The following CPA6 variants were observed in gnomAD, a reference collection of about 807,000 sequenced individuals.
CPA6 encodes carboxypeptidase B.
CPA6 carries 58 observed loss-of-function variants against 63.3 expected under a neutral mutation model. The ratio of observed to expected loss-of-function variants is 0.92; its 90% CI spans 0.74 to 1.14. CPA6 has a LOEUF of 1.14. Among genes scored for constraint, CPA6 ranks in the 50% most tolerant of loss-of-function variants. The pLI is 0.00. For synonymous variants in CPA6, 185 were observed against 179.0 expected, an observed-to-expected ratio of 1.03 and a Z score of -0.27; for missense variants, 565 against 526.6, an observed-to-expected ratio of 1.07 and a Z score of -0.71.
At chr8:67,677,375 A>T (rs1267175631) in intron 1 of CPA6, among the ~76,000 whole-genome samples, 1 of 142,324 alleles carries the variant, frequency 7.0e-6, no homozygotes, top group Non-Finnish European at 1.5e-5. Context: ...CTGCTGCTGG[A>T]AAAGGGGAAG....
At chr8:67,544,306 G>GTACTGTCAGAATCCCAGGTA (rs1202648472) in intron 2 of CPA6, among the ~76,000 whole-genome samples, 1 of 152,170 alleles carries the variant, frequency 6.6e-6, no homozygotes, top group Non-Finnish European at 1.5e-5. Context: ...AATCCCAGGT[G>GTACTGTCAGAATCCCAGGTA]TACCAATTCA....
chr8:67,434,426 C>G (rs898435961), intron 8 of CPA6, among the ~76,000 whole-genome samples, 186 bp from the exon 9 acceptor site: 8 of 152,202 alleles, frequency 5.3e-5, no homozygotes. Context: ...AGTTCCCATG[C>G]ACAACAGGAG....
At chr8:67,457,847 A>T (rs1322694629) in intron 8 of CPA6, among the ~76,000 whole-genome samples, 1 of 151,962 alleles carries the variant, frequency 6.6e-6, no homozygotes, top group East Asian at 1.9e-4. Context: ...CTCACTTGCC[A>T]ATTCCTGCTC....
chr8:67,495,488 A>AT (rs1307081417), intron 6 of CPA6, among the ~76,000 whole-genome samples: 1 of 151,984 alleles, frequency 6.6e-6, no homozygotes, highest in Non-Finnish European at 1.5e-5. Context: ...CTGCTTTGAA[A>AT]TTTTTTTATA....
rs182530959 is a variant in CPA6, at chr8:67,658,395, A to G, written c.117-34144T>C. 7.2e-5 allele frequency among the ~76,000 whole-genome samples: 11 copies of G among 152,318 alleles called. No homozygotes were observed. The East Asian group carries it at 2.1e-3, about 29-fold the overall frequency. ...GTACATAATAAGGTATGTCATATACATTTGTTAAACGAATAGCTGCACAGA... is the reference window on the plus strand; with the variant it reads ...GTACATAATAAGGTATGTCATATACGTTTGTTAAACGAATAGCTGCACAGA... On this transcript the variant is annotated intron_variant, in intron 1 of 10. Transcript: ENST00000297770.
intron 2 of CPA6, among the ~76,000 whole-genome samples, chr8:67,564,608 A>G (rs1301364285): frequency 6.6e-6 from 1 of 152,164 alleles, no homozygotes; most frequent in East Asian, 1.9e-4. Flanking sequence ...TGTAGCTGTC[A>G]TACCAGTAAA....
chr8:67,716,431 A>G (rs78837479), intron 1 of CPA6, among the ~76,000 whole-genome samples: 2 of 152,206 alleles, frequency 1.3e-5, no homozygotes, highest in Admixed American at 1.3e-4. Context: ...TCAAAGGTAG[A>G]TAAGAGACAA....
At chr8:67,665,784 A>G (rs141042781) in intron 1 of CPA6, among the ~76,000 whole-genome samples, 4 of 152,310 alleles carry the variant, frequency 2.6e-5, no homozygotes, top group African/African-American at 9.6e-5. Context: ...AGCTCGGGGT[A>G]TAATAAGTTC....
intron 1 of CPA6, among the ~76,000 whole-genome samples, chr8:67,730,595 G>A (rs1817687272): frequency 2.0e-5 from 3 of 152,156 alleles, no homozygotes; most frequent in Non-Finnish European, 4.4e-5. Context: ...TCACATGGTT[G>A]GTTTCCCTGG....
chr8:67,687,795 C>T (rs1211551285), intron 1 of CPA6, among the ~76,000 whole-genome samples: 1 of 151,974 alleles, frequency 6.6e-6, no homozygotes, highest in African/African-American at 2.4e-5. Context: ...GGATAGCAGC[C>T]GTCTCTATAG....
intron 1 of CPA6, among the ~76,000 whole-genome samples, chr8:67,733,710 A>G (rs1817758586): frequency 6.6e-6 from 1 of 151,656 alleles, no homozygotes; most frequent in Non-Finnish European, 1.5e-5. Flanking sequence ...TAGGCACTCA[A>G]TGAATAGTGC....
At chr8:67,631,240 A>G (rs1158547993) in intron 1 of CPA6, among the ~76,000 whole-genome samples, 1 of 152,234 alleles carries the variant, frequency 6.6e-6, no homozygotes, top group African/African-American at 2.4e-5. Context: ...ATATGCGCCA[A>G]TCAGCACTCT....
At chr8:67,620,240 A>G (rs1484574895) in intron 2 of CPA6, among the ~76,000 whole-genome samples, 2 of 152,208 alleles carry the variant, frequency 1.3e-5, no homozygotes, top group Non-Finnish European at 2.9e-5. Flanking sequence ...GTGAACAGCT[A>G]GAGGAAACTT....
chr8:67,630,798 T>C (rs572398341), intron 1 of CPA6, among the ~76,000 whole-genome samples: 2 of 152,332 alleles, frequency 1.3e-5, no homozygotes, highest in East Asian at 1.9e-4. Context: ...GGCCGCAGGC[T>C]CCGCGGCCCC....
chr8:67,493,955 T>C lies in CPA6; in HGVS notation c.637-9166A>G, dbSNP rs1171517672. ...ATCTTTGGTCTGCCACTGAATTAAA[T>C]AGAATTCAACTGCTGATTCTAAAAA... On this transcript the variant is annotated intron_variant, in intron 6 of 10. Transcript: ENST00000297770. 2.6e-5 allele frequency among the ~76,000 whole-genome samples: 4 copies of C among 152,178 alleles called. No homozygotes were observed. In the East Asian group the frequency reaches 7.7e-4, roughly 29 times the overall value.
At chr8:67,629,494 A>AAAAAT (rs1420631577) in intron 1 of CPA6, among the ~76,000 whole-genome samples, 3 of 151,572 alleles carry the variant, frequency 2.0e-5, no homozygotes, top group African/African-American at 7.3e-5. Context: ...AAAAAAAAAA[A>AAAAAT]AAATAAGACC....
At chr8:67,561,004 C>G (rs1813197511) in intron 2 of CPA6, among the ~76,000 whole-genome samples, 1 of 152,182 alleles carries the variant, frequency 6.6e-6, no homozygotes, top group African/African-American at 2.4e-5. Context: ...ATGATTCTAT[C>G]TAGTTAACTA....
intron 2 of CPA6, among the ~76,000 whole-genome samples, chr8:67,594,659 C>T (rs1587612438): frequency 6.6e-6 from 1 of 152,250 alleles, no homozygotes. Context: ...CCCTTTCTTC[C>T]AGTTGATCGC....
intron 8 of CPA6, among the ~76,000 whole-genome samples, chr8:67,451,316 A>G (rs1020339987): frequency 6.6e-6 from 1 of 152,220 alleles, no homozygotes; most frequent in Non-Finnish European, 1.5e-5. Context: ...CAGTGGCAAC[A>G]TTAGATTCTC....
Sources: gnomAD v4.1 joint callset for allele counts (sites outside exome capture counted in the v4.1 genomes callset) on GRCh38, gnomAD v4.1.1 for gene constraint, MANE v1.5 for transcripts, NCBI Gene and HGNC (gene_info 2026-07-23, HGNC 2026-07-21) for gene names.